Variants in CHP1 observed in about 807,000 individuals in gnomAD.
The protein encoded by CHP1 is calcineurin B homologous protein 1.
CHP1 carries 11 observed loss-of-function variants against 27.4 expected under a neutral mutation model. That is an observed-to-expected ratio of 0.40 (90% CI 0.25 to 0.67). The LOEUF (loss-of-function observed/expected upper bound fraction) is 0.67, where lower values mean the gene tolerates loss of function less well. Among genes scored for constraint, CHP1 ranks in the 30% least tolerant of loss-of-function variants. The probability of loss-of-function intolerance (pLI) is 0.38; values close to 1 mark genes in which losing one functional copy is unlikely to be tolerated. For missense variants in CHP1, 169 were observed against 251.3 expected, an observed-to-expected ratio of 0.67 and a Z score of 2.22; for synonymous variants, 89 against 87.4, an observed-to-expected ratio of 1.02 and a Z score of -0.10.
intron 3 of CHP1, among the ~76,000 whole-genome samples, chr15:41,260,394 C>CTTT (rs34417644): frequency 1.6e-5 from 2 of 124,552 alleles, no homozygotes; most frequent in East Asian, 2.2e-4. Context: ...TCTTTCAAAA[C>CTTT]TTTTTTTTTT....
At chr15:41,238,901 C>G (rs549851240) in intron 1 of CHP1, among the ~76,000 whole-genome samples, 26 of 152,202 alleles carry the variant, frequency 1.7e-4, no homozygotes, top group African/African-American at 5.5e-4. Context: ...CTGAGAGTAA[C>G]TGTCAACTCC....
intron 1 of CHP1, among the ~76,000 whole-genome samples, chr15:41,232,127 A>G (rs1161145970): frequency 6.6e-6 from 1 of 151,928 alleles, no homozygotes; most frequent in Non-Finnish European, 1.5e-5. Flanking sequence ...ATTGATTTCT[A>G]CTATGCTGGT....
chr15:41,243,796 C>A, intron 2 of CHP1, 57 bp downstream of exon 2: 2 of 1,447,098 alleles, frequency 1.4e-6, no homozygotes, highest in South Asian at 1.2e-5. Flanking sequence ...CTGGCAGTGT[C>A]TGAATAGCTG....
chr15:41,267,980 A>G (rs2047470492), intron 4 of CHP1, among the ~76,000 whole-genome samples: 1 of 151,816 alleles, frequency 6.6e-6, no homozygotes, highest in Non-Finnish European at 1.5e-5. Flanking sequence ...TTTGACTGAG[A>G]TCATTCCTTT....
intron 2 of CHP1, among the ~76,000 whole-genome samples, chr15:41,244,196 T>TA (rs35765288): frequency 0.47 from 60,394 of 128,846 alleles, 13,683 homozygotes; most frequent in African/African-American, 0.56. Flanking sequence ...AGACTCCATC[T>TA]AAAAAAAAAA....
rs184758252 is a variant in CHP1 at position 41,275,433 on chromosome 15, G to T, written c.412-3334G>T. On this transcript the variant is annotated intron_variant, in intron 5 of 6. Transcript: ENST00000334660. ...GCCTCCCAAAGCTTTGGGATTACAG[G>T]TGTGAGCCACCACCCCCGGCCAAAA... 2.5e-3 allele frequency among the ~76,000 whole-genome samples: 386 copies of T among 152,286 alleles called. 1 individual carries two copies. Among genetic ancestry groups the T allele is most frequent in the South Asian group, 6.8e-3 (33 of 4,822 alleles).
chr15:41,263,902 G>A (rs1487646294), intron 4 of CHP1, among the ~76,000 whole-genome samples: 6 of 151,978 alleles, frequency 3.9e-5, no homozygotes, highest in African/African-American at 9.7e-5. Context: ...CAAAATCTTC[G>A]AAATAGCACT....
chr15:41,264,495 G>A (rs2047450569), intron 4 of CHP1, among the ~76,000 whole-genome samples: 1 of 152,224 alleles, frequency 6.6e-6, no homozygotes, highest in Non-Finnish European at 1.5e-5. Context: ...GCTGAGTGCA[G>A]TGGCGTGATC....
intron 3 of CHP1, among the ~76,000 whole-genome samples, chr15:41,261,591 G>T (rs1307683764): frequency 6.6e-6 from 1 of 152,100 alleles, no homozygotes; most frequent in East Asian, 1.9e-4. Flanking sequence ...GGGCATGGTG[G>T]CTCATGCCTG....
chr15:41,247,989 A>T (rs959000169), intron 2 of CHP1, among the ~76,000 whole-genome samples: 3 of 149,788 alleles, frequency 2.0e-5, no homozygotes, highest in Non-Finnish European at 4.4e-5. Context: ...ATAAATAAAT[A>T]AAATAAATAA....
chr15:41,243,661 C>G lies in CHP1; in HGVS notation c.68-6C>G, dbSNP rs564531381. On this transcript the variant is annotated splice_region_variant and splice_polypyrimidine_tract_variant and intron_variant, in intron 1 of 6. Coordinates refer to ENST00000334660, the MANE Select transcript of CHP1 (RefSeq NM_007236.5). The stretch of plus-strand genomic sequence containing the variant: ...CCCGAGCTGGGACTAATTTTGTGCT[C>G]TTTAGTTTCCCACAGTCAAATCACT... 7 of 1,613,744 alleles carry G rather than the reference C, an allele frequency of 4.3e-6. No homozygotes were observed. The highest frequency in any genetic ancestry group is 4.0e-5 in the African/African-American group (3 of 74,902).
chr15:41,264,674 G>A (rs1348864470), intron 4 of CHP1, among the ~76,000 whole-genome samples: 2 of 152,142 alleles, frequency 1.3e-5, no homozygotes, highest in East Asian at 1.9e-4. Context: ...CGAAATCTTG[G>A]ACGCAAGCAG....
intron 3 of CHP1, among the ~76,000 whole-genome samples, chr15:41,258,520 T>C (rs2140934730): frequency 6.6e-6 from 1 of 152,286 alleles, no homozygotes; most frequent in South Asian, 2.1e-4. Flanking sequence ...TCTGGAACAT[T>C]TCCCCAGCCT....
At chr15:41,262,640 C>T (rs768397494) in intron 3 of CHP1, 116 bp from the exon 4 acceptor site, 11 of 1,318,444 alleles carry the variant, frequency 8.3e-6, no homozygotes, top group South Asian at 8.0e-5. Flanking sequence ...TGGAAAGAAA[C>T]CTCATTAAAT....
At position 41,252,416 on chromosome 15, in the gene CHP1, C is replaced by T. The variant is rs60407468; in HGVS notation, c.141-4494C>T. Among the ~76,000 whole-genome samples the T allele has an allele frequency of 4.7e-3, 713 of 152,258 alleles. 4 individuals carry two copies. Among genetic ancestry groups the T allele is most frequent in the African/African-American group, 0.017 (686 of 41,560 alleles). On this transcript the variant is annotated intron_variant, in intron 2 of 6. Coordinates refer to ENST00000334660, the MANE Select transcript of CHP1 (RefSeq NM_007236.5). ...ACTCCTGACCTCATGATCCACCCAC[C>T]TCGGCCTCCCAAAGTGCTGGAATTA...
chr15:41,268,201 A>C (rs2047471427), intron 4 of CHP1, among the ~76,000 whole-genome samples: 1 of 152,224 alleles, frequency 6.6e-6, no homozygotes, highest in Non-Finnish European at 1.5e-5. Flanking sequence ...GAGATGAGAA[A>C]GGCATAGGGA....
In CHP1 at chr15:41,278,754, C is replaced by G. The variant is rs2047531611; in HGVS notation, c.412-13C>G. 1 of 1,613,882 alleles carries G rather than the reference C, an allele frequency of 6.2e-7. No homozygotes were observed. Among genetic ancestry groups the G allele is most frequent in the African/African-American group, 1.3e-5 (1 of 74,914 alleles). ...CCCAAGGCCCTTGTAATTCCTGGCT[C>G]TTGGTCTTCCAGGTGCTACGCATGA... On this transcript the variant is annotated splice_polypyrimidine_tract_variant and intron_variant, in intron 5 of 6. Coordinates refer to ENST00000334660, the MANE Select transcript of CHP1 (RefSeq NM_007236.5).
At chr15:41,248,718 A>G (rs889387911) in intron 2 of CHP1, among the ~76,000 whole-genome samples, 2 of 152,176 alleles carry the variant, frequency 1.3e-5, no homozygotes, top group Non-Finnish European at 2.9e-5. Flanking sequence ...TCTCAAGACC[A>G]GCCTGAGCAA....
chr15:41,264,133 G>C lies in CHP1; in HGVS notation c.349+1250G>C, dbSNP rs1210667544. On this transcript the variant is annotated intron_variant, in intron 4 of 6. Transcript: ENST00000334660. ...ACATGGCAGCTCTCAGTTGTTAACA[G>C]GGCTTTTTTTTTTCTTGTTCACATC... 3 of 1,200,562 alleles carry C rather than the reference G, an allele frequency of 2.5e-6. No homozygotes were observed. The African/African-American group carries it at 4.7e-5, about 19-fold the overall frequency. The allele number at this position is 1,200,562 out of a possible 1,614,324, so 74.4% of individuals were successfully genotyped here.
Sources: allele counts gnomAD v4.1 joint callset (sites outside exome capture counted in the v4.1 genomes callset), GRCh38; gene constraint gnomAD v4.1.1; transcripts MANE v1.5; gene names NCBI Gene and HGNC (gene_info 2026-07-23, HGNC 2026-07-21).